The following VEPH1 variants were observed in gnomAD, a reference collection of about 807,000 sequenced individuals.
VEPH1 encodes the protein ventricular zone-expressed PH domain-containing protein homolog 1.
In VEPH1, 80 loss-of-function variants were observed where a neutral mutation model predicts 85.2. The ratio of observed to expected loss-of-function variants is 0.94; its 90% CI spans 0.78 to 1.13. The LOEUF is 1.13. Among genes scored for constraint, VEPH1 ranks in the 50% most tolerant of loss-of-function variants. The pLI is 0.00. For missense variants in VEPH1, 955 were observed against 980.5 expected (o/e 0.97, Z 0.35); for synonymous variants, 297 against 348.0 (o/e 0.85, Z 1.63).
In VEPH1 at chr3:157,333,769, C is replaced by G. The variant is rs548401409; in HGVS notation, c.1736-16568G>C. Among the ~76,000 whole-genome samples the G allele has an allele frequency of 4.4e-4, 67 of 152,296 alleles. 1 individual carries two copies. The highest frequency in any genetic ancestry group is 1.6e-3 in the African/African-American group (65 of 41,562). The stretch of plus-strand genomic sequence containing the variant: ...AATTACTTTGCAACTCTGCAAAATG[C>G]ATAACAGTAACCAGATATAGGGCAC... On this transcript the variant is annotated intron_variant, in intron 9 of 13. Transcript: ENST00000362010.
intron 9 of VEPH1, among the ~76,000 whole-genome samples, chr3:157,334,601 A>G (rs926872682): frequency 7.9e-5 from 12 of 152,242 alleles, no homozygotes; most frequent in African/African-American, 2.9e-4. Context: ...ACCAAGGATG[A>G]GACATTGGGC....
intron 2 of VEPH1, among the ~76,000 whole-genome samples, chr3:157,487,294 AAAT>A (rs1336750049): frequency 6.6e-6 from 1 of 152,136 alleles, no homozygotes; most frequent in African/African-American, 2.4e-5. Context: ...AGCTGCCAAA[AAAT>A]AATAATTCAA....
intron 2 of VEPH1, among the ~76,000 whole-genome samples, chr3:157,478,499 C>T (rs1357854609): frequency 1.3e-5 from 2 of 152,062 alleles, no homozygotes; most frequent in Non-Finnish European, 2.9e-5. Context: ...AGATGTTTGT[C>T]TGAATGAAAC....
chr3:157,299,573 A>G (rs1042032708), intron 11 of VEPH1, among the ~76,000 whole-genome samples: 20 of 151,156 alleles, frequency 1.3e-4, no homozygotes, highest in Admixed American at 2.6e-4. Context: ...AAAAAAAAAA[A>G]AAAAAAAGAA....
chr3:157,261,432 T>A lies in VEPH1; in HGVS notation c.2266-62A>T. The A allele has an allele frequency of 2.5e-6, 4 of 1,582,966 alleles. No homozygotes were observed. The East Asian group carries it at 9.0e-5, about 36-fold the overall frequency. Reference sequence around the variant, plus strand: ...GTTACTGTAGGCAAGGATCTCTGGCTACTGGAGAACTTTCTAAGAGGGCCA... The same window carrying A: ...GTTACTGTAGGCAAGGATCTCTGGCAACTGGAGAACTTTCTAAGAGGGCCA... On this transcript the variant is annotated intron_variant, in intron 13 of 13. Coordinates refer to ENST00000362010, the MANE Select transcript of VEPH1 (RefSeq NM_001167912.2).
chr3:157,375,787 C>T (rs1728024752), intron 7 of VEPH1, among the ~76,000 whole-genome samples: 1 of 152,132 alleles, frequency 6.6e-6, no homozygotes. Flanking sequence ...TTCATTATCC[C>T]TTTCTGTTTT....
At chr3:157,471,884 G>A (rs1040939215) in intron 2 of VEPH1, among the ~76,000 whole-genome samples, 2 of 151,574 alleles carry the variant, frequency 1.3e-5, no homozygotes, top group African/African-American at 4.9e-5. Flanking sequence ...TCAATTTTGG[G>A]GCCTTATTGT....
Position 157,313,121 on chromosome 3 carries a change from C to G in VEPH1, c.2010+500G>C, listed in dbSNP as rs564793294. ...GGGTTTCACCGTGTTAGCCAGGATG[C>G]TCTCGATCTCCTGACCTCGTGATCC... On this transcript the variant is annotated intron_variant, in intron 11 of 13. Transcript: ENST00000362010. Among the ~76,000 whole-genome samples the G allele has an allele frequency of 1.8e-3, 272 of 151,658 alleles. 2 individuals carry two copies. The highest frequency in any genetic ancestry group is 0.017 in the Middle Eastern group (5 of 294).
At chr3:157,367,708 G>C (rs747817785) in intron 7 of VEPH1, among the ~76,000 whole-genome samples, 4 of 152,110 alleles carry the variant, frequency 2.6e-5, no homozygotes, top group Non-Finnish European at 4.4e-5. Flanking sequence ...TGGGGGTCTT[G>C]CCATGTTTTC....
chr3:157,316,526 C>T (rs1021615562), intron 10 of VEPH1, among the ~76,000 whole-genome samples: 20 of 149,078 alleles, frequency 1.3e-4, no homozygotes, highest in African/African-American at 4.2e-4. Flanking sequence ...TTAGTGCATC[C>T]GAGATAACTA....
chr3:157,289,061 G>C (rs1717147182), intron 11 of VEPH1, among the ~76,000 whole-genome samples: 1 of 152,184 alleles, frequency 6.6e-6, no homozygotes, highest in Non-Finnish European at 1.5e-5. Context: ...AATTTTGTGA[G>C]TTTCAAAGGA....
At chr3:157,422,934 G>A (rs767229468) in intron 5 of VEPH1, among the ~76,000 whole-genome samples, 6 of 151,468 alleles carry the variant, frequency 4.0e-5, no homozygotes, top group Non-Finnish European at 8.8e-5. Context: ...TTATAAAAAA[G>A]ATAACAACTG....
At chr3:157,415,036 C>A (rs535612948) in intron 5 of VEPH1, 1 of 152,234 alleles carries the variant, frequency 6.6e-6, no homozygotes, top group South Asian at 2.1e-4. Flanking sequence ...CTGCTTCTCC[C>A]ACCACCCCTT....
chr3:157,473,075 T>C (rs926950466), intron 2 of VEPH1, among the ~76,000 whole-genome samples: 3 of 126,050 alleles, frequency 2.4e-5, no homozygotes, highest in Non-Finnish European at 5.3e-5. Context: ...ACCTTTTTTT[T>C]TTTTTTTTTT....
At chr3:157,329,978 TTG>T (rs1215456894) in intron 9 of VEPH1, among the ~76,000 whole-genome samples, 2 of 152,168 alleles carry the variant, frequency 1.3e-5, no homozygotes, top group African/African-American at 4.8e-5. Flanking sequence ...GAAATTTGCC[TTG>T]TGGAGGAATT....
chr3:157,269,210 T>C (rs769244336), intron 12 of VEPH1, among the ~76,000 whole-genome samples: 6 of 152,218 alleles, frequency 3.9e-5, no homozygotes, highest in Non-Finnish European at 5.9e-5. Flanking sequence ...TGAAGAGTAA[T>C]GTGTGACAAA....
At chr3:157,379,199 T>C (rs1728481565) in intron 7 of VEPH1, among the ~76,000 whole-genome samples, 1 of 152,234 alleles carries the variant, frequency 6.6e-6, no homozygotes, top group Non-Finnish European at 1.5e-5. Context: ...TCTGATAATC[T>C]GCCTCTGACC....
chr3:157,331,838 A>G (rs533496267), intron 9 of VEPH1, among the ~76,000 whole-genome samples: 1 of 152,232 alleles, frequency 6.6e-6, no homozygotes, highest in African/African-American at 2.4e-5. Context: ...TCCATTGTAC[A>G]TAAGCTTTAT....
At chr3:157,437,254 CAT>C (rs1301134412) in intron 4 of VEPH1, among the ~76,000 whole-genome samples, 1 of 152,158 alleles carries the variant, frequency 6.6e-6, no homozygotes, top group Non-Finnish European at 1.5e-5. Flanking sequence ...TGGGTTGAAT[CAT>C]ATCAAATCGT....
Sources: allele counts gnomAD v4.1 joint callset (sites outside exome capture counted in the v4.1 genomes callset), GRCh38; gene constraint gnomAD v4.1.1; transcripts MANE v1.5; gene names NCBI Gene and HGNC (gene_info 2026-07-23, HGNC 2026-07-21).